CENPN: variants seen among roughly 807,000 people sequenced by gnomAD.
CENPN encodes centromere protein N.
In CENPN, 36 loss-of-function variants were observed where a neutral mutation model predicts 48.6. The observed-to-expected ratio is 0.74, with a 90% confidence interval of 0.57 to 0.98. The LOEUF is 0.98. Ranked by LOEUF, CENPN falls within the 50% of genes least tolerant of loss-of-function variation. The pLI is 0.00. For synonymous variants in CENPN, 166 were observed against 135.2 expected, an observed-to-expected ratio of 1.23 and a Z score of -1.58; for missense variants, 439 against 399.2, an observed-to-expected ratio of 1.10 and a Z score of -0.85.
At chr16:81,012,858 G>C (rs1398176425) in intron 2 of CENPN, among the ~76,000 whole-genome samples, 1 of 152,222 alleles carries the variant, frequency 6.6e-6, no homozygotes, top group Non-Finnish European at 1.5e-5. Flanking sequence ...GCCTCCCAAA[G>C]TGCTGGGATT....
At chr16:81,008,392 G>C (rs1969571186) in intron 1 of CENPN, among the ~76,000 whole-genome samples, 1 of 151,968 alleles carries the variant, frequency 6.6e-6, no homozygotes, top group Admixed American at 6.6e-5. Context: ...GTTTTTTTGA[G>C]ACGGAGTCTT....
chr16:81,017,383 C>G lies in CENPN; in HGVS notation c.275C>G (p.Pro92Arg). Residue 92 changes from proline (P) to arginine (R), a missense_variant and splice_region_variant, in exon 4 of 11, where the codon CCA becomes CGA. Transcript: ENST00000305850. ...VWEVFQMSKG[P>R]GEDVDLFDMK... ...GAAGTTTTTCAGATGAGTAAAGGAC[C>G]AGGTAATATTTTCTGTTTACAATTG... is the stretch of plus-strand genomic sequence containing the variant. The G allele has an allele frequency of 6.4e-7, 1 of 1,573,454 alleles. No individual in the cohort carries two copies. The highest frequency in any genetic ancestry group is 8.7e-7 in the Non-Finnish European group (1 of 1,144,426).
intron 7 of CENPN, chr16:81,024,319 G>T (rs1970361165): frequency 6.5e-6 from 1 of 154,172 alleles, no homozygotes; most frequent in Non-Finnish European, 1.4e-5. Flanking sequence ...GGATTCAGTG[G>T]GTGAAGGTAG....
At chr16:81,015,530 T>C (rs1377433285) in intron 3 of CENPN, among the ~76,000 whole-genome samples, 1 of 152,260 alleles carries the variant, frequency 6.6e-6, no homozygotes, top group Non-Finnish European at 1.5e-5. Context: ...TTTCTGTAAG[T>C]GTAACAAAAA....
chr16:81,022,951 C>T, intron 7 of CENPN: 1 of 1,346,034 alleles, frequency 7.4e-7, no homozygotes, highest in Non-Finnish European at 1.0e-6. Context: ...GCTTCCAAAT[C>T]ACCTGATCAC....
intron 1 of CENPN, among the ~76,000 whole-genome samples, chr16:81,010,881 C>T (rs1021439302): frequency 7.2e-5 from 11 of 152,200 alleles, no homozygotes; most frequent in Admixed American, 7.2e-4. Flanking sequence ...CTGACCTCTT[C>T]CCCTGCCTCA....
At chr16:81,032,810 G>A, downstream of CENPN, 1 of 1,167,082 alleles carries the variant, frequency 8.6e-7, no homozygotes, top group East Asian at 2.4e-5. Flanking sequence ...TGGACCCTTT[G>A]TTACTCAAAT....
chr16:81,008,172 G>C (rs1188556976), intron 1 of CENPN, among the ~76,000 whole-genome samples: 2 of 152,116 alleles, frequency 1.3e-5, no homozygotes, highest in African/African-American at 2.4e-5. Flanking sequence ...AGGGATTTCC[G>C]TCTTAATTGG....
chr16:81,016,284 C>T (rs901830412), intron 3 of CENPN, among the ~76,000 whole-genome samples: 7 of 152,156 alleles, frequency 4.6e-5, no homozygotes, highest in Admixed American at 2.0e-4. Flanking sequence ...TGCTTGAGCC[C>T]GCGAGTTCAA....
chr16:81,022,541 A>G (rs1970263904), intron 6 of CENPN, 56 bp from the exon 7 acceptor site: 5 of 1,421,382 alleles, frequency 3.5e-6, no homozygotes, highest in Non-Finnish European at 5.0e-6. Flanking sequence ...TTTGACAAGT[A>G]TTATAAACAC....
chr16:81,008,731 T>A (rs1969612091), intron 1 of CENPN, among the ~76,000 whole-genome samples: 1 of 152,228 alleles, frequency 6.6e-6, no homozygotes, highest in South Asian at 2.1e-4. Context: ...CAGGCATTCA[T>A]TCCACAAGTA....
At chr16:81,028,420 C>G in intron 10 of CENPN, 123 bp downstream of exon 10, 1 of 1,473,558 alleles carries the variant, frequency 6.8e-7, no homozygotes, top group Non-Finnish European at 9.3e-7. Context: ...ATCCTGCTCT[C>G]TCTTGCATCT....
At chr16:81,024,880 CTT>C (rs1271197703) in intron 8 of CENPN, 102 bp downstream of exon 8, 3 of 672,692 alleles carry the variant, frequency 4.5e-6, no homozygotes, top group African/African-American at 3.7e-5. Flanking sequence ...TAATTTAAAA[CTT>C]TTATTGTTTT....
chr16:81,028,454 G>GGA, intron 10 of CENPN, 115 bp from the exon 11 acceptor site: 16 of 1,498,100 alleles, frequency 1.1e-5, no homozygotes, highest in Non-Finnish European at 1.4e-5. Context: ...TTAATAGGGA[G>GGA]GAGGGGCATC....
chr16:81,009,315 A>G (rs1158347763), intron 1 of CENPN, among the ~76,000 whole-genome samples: 1 of 152,126 alleles, frequency 6.6e-6, no homozygotes, highest in Non-Finnish European at 1.5e-5. Flanking sequence ...AGCTAACACC[A>G]GAATTGCAAG....
intron 2 of CENPN, among the ~76,000 whole-genome samples, 195 bp from the exon 3 acceptor site, chr16:81,013,941 A>G (rs1055638450): frequency 2.6e-4 from 40 of 152,244 alleles, no homozygotes; most frequent in Admixed American, 7.2e-4. Flanking sequence ...ATAAATTGTG[A>G]GAGAAGGTTG....
chr16:81,028,900 C>T lies in CENPN; in HGVS notation c.*249C>T. ...TGACAGGACATATATATATATGGCC[C>T]CACACTTGACCTTGAGTGCCTGAAT... On this transcript the variant is annotated 3_prime_UTR_variant, in exon 11 of 11. Coordinates refer to ENST00000305850, the MANE Select transcript of CENPN (RefSeq NM_001100624.3). 1 of 1,158,290 alleles carries T rather than the reference C, an allele frequency of 8.6e-7. No homozygotes were observed. The highest frequency in any genetic ancestry group is 3.2e-5 in the South Asian group (1 of 31,552). 71.8% of individuals were successfully genotyped at this position (1,158,290 alleles called of 1,614,324 possible). A position where few individuals can be genotyped will look rare whatever the true frequency, so the allele number is the denominator to read the frequency against.
rs1290853620 is a variant in CENPN at position 81,029,901 on chromosome 16, G to C, written c.*1250G>C. ...CTGCTAATAAAGATACCTAAGACTG[G>C]GTAATTCACAAAGGAAAGAGGCTTA... On this transcript the variant is annotated 3_prime_UTR_variant, in exon 11 of 11. Transcript: ENST00000305850. Among the ~76,000 whole-genome samples the C allele has an allele frequency of 6.6e-6, 1 of 152,154 alleles. No individual in the cohort carries two copies. The highest frequency in any genetic ancestry group is 1.5e-5 in the Non-Finnish European group (1 of 68,038).
chr16:81,016,582 T>G lies in CENPN; in HGVS notation c.218-744T>G, dbSNP rs569278950. ...TTCGACACTAACCTGGCCAACATGGTGAAACCTCATGTCTACTAAAAATAC... is the reference window on the plus strand; with the variant it reads ...TTCGACACTAACCTGGCCAACATGGGGAAACCTCATGTCTACTAAAAATAC... On this transcript the variant is annotated intron_variant, in intron 3 of 10. Coordinates refer to ENST00000305850, the MANE Select transcript of CENPN (RefSeq NM_001100624.3). Among the ~76,000 whole-genome samples, 3 of 152,238 alleles carry G rather than the reference T, an allele frequency of 2.0e-5. No homozygotes were observed. In the South Asian group the frequency reaches 6.2e-4, roughly 32 times the overall value.
Sources: allele counts gnomAD v4.1 joint callset (sites outside exome capture counted in the v4.1 genomes callset), GRCh38; gene constraint gnomAD v4.1.1; transcripts MANE v1.5; gene names NCBI Gene and HGNC (gene_info 2026-07-23, HGNC 2026-07-21).